The following PHF8 variants were observed in gnomAD, a reference collection of about 807,000 sequenced individuals.
The protein encoded by PHF8 is histone lysine demethylase PHF8.
In PHF8, 9 loss-of-function variants were observed where a neutral mutation model predicts 74.4. The observed-to-expected ratio is 0.12, with a 90% CI of 0.07 to 0.21. The LOEUF is 0.21. Ranked by LOEUF, PHF8 falls within the 10% of genes least tolerant of loss-of-function variation. The pLI, the probability that PHF8 is intolerant of heterozygous loss-of-function variation, is 1.00. For missense variants in PHF8, 478 were observed against 816.6 expected, an observed-to-expected ratio of 0.59 and a Z score of 5.05; for synonymous variants, 311 against 316.6, an observed-to-expected ratio of 0.98 and a Z score of 0.19.
intron 18 of PHF8, among the ~76,000 whole-genome samples, chrX:53,966,278 C>CT (rs1320855816): frequency 1.8e-5 from 2 of 111,707 alleles, no homozygotes; most frequent in African/African-American, 6.5e-5. Context: ...CCCTCTGATG[C>CT]CGAGCTGAAG....
chrX:54,035,537 T>C lies in PHF8; in HGVS notation c.98+7094A>G, dbSNP rs782461713. ...TAGTTCATGCCTGTAATCCCAGCACTTTGGGAGGCTGAGGTGGGAGGATCA... is the reference window on the plus strand; with the variant it reads ...TAGTTCATGCCTGTAATCCCAGCACCTTGGGAGGCTGAGGTGGGAGGATCA... On this transcript the variant is annotated intron_variant, in intron 2 of 21. Coordinates refer to ENST00000338154, the MANE Select transcript of PHF8 (RefSeq NM_015107.3). Among the ~76,000 whole-genome samples the C allele has an allele frequency of 4.5e-5, 5 of 110,194 alleles. No homozygotes were observed. In the East Asian group the frequency reaches 1.4e-3, roughly 32 times the overall value.
intron 19 of PHF8, among the ~76,000 whole-genome samples, chrX:53,949,579 A>G (rs1216307466): frequency 5.5e-5 from 6 of 109,763 alleles, no homozygotes; most frequent in East Asian, 2.9e-4. Flanking sequence ...TTGGGAGGCC[A>G]AGGTGGGTGG....
chrX:53,954,556 G>A (rs1315808524), intron 19 of PHF8, among the ~76,000 whole-genome samples: 1 of 94,477 alleles, frequency 1.1e-5, no homozygotes. Context: ...AACTAGAGAT[G>A]TCGTAACACG....
intron 6 of PHF8, 45 bp downstream of exon 6, chrX:54,016,550 T>C: frequency 8.9e-7 from 1 of 1,126,964 alleles, no homozygotes; most frequent in Non-Finnish European, 1.2e-6. Flanking sequence ...TCACACAAGT[T>C]TCAGGCACTT....
chrX:53,996,559 C>G (rs186665434), intron 11 of PHF8, among the ~76,000 whole-genome samples: 1 of 110,129 alleles, frequency 9.1e-6, no homozygotes, highest in Non-Finnish European at 1.9e-5. Context: ...TTACTATTTT[C>G]TTGAGACAGA....
rs1160936317 is a variant in PHF8 at position 54,036,571 on chromosome X, CAAAAAAAAAA to C, written c.98+6050_98+6059del. ...TGGGCAACAGACTGAGACACTGTCT[CAAAAAAAAAA>C]AAAAAAAAAAAAAAAAAAACTTTTT... On this transcript the variant is annotated intron_variant, in intron 2 of 21. Coordinates refer to ENST00000338154, the MANE Select transcript of PHF8 (RefSeq NM_015107.3). Among the ~76,000 whole-genome samples, 52 of 6,192 alleles carry C rather than the reference CAAAAAAAAAA, an allele frequency of 8.4e-3. 1 individual carries two copies. Among genetic ancestry groups the C allele is most frequent in the African/African-American group, 0.021 (51 of 2,395 alleles). The allele number at this position is 6,192 out of a possible 115,157, so 5.4% of individuals were successfully genotyped here.
chrX:53,986,453 T>C (rs1352121480), intron 16 of PHF8, among the ~76,000 whole-genome samples: 3 of 112,478 alleles, frequency 2.7e-5, no homozygotes, highest in Non-Finnish European at 5.6e-5. Context: ...CAGGATGGTC[T>C]TGATCTCTTG....
At chrX:53,992,112 TA>T in intron 14 of PHF8, among the ~76,000 whole-genome samples, 1 of 112,512 alleles carries the variant, frequency 8.9e-6, no homozygotes, top group East Asian at 2.8e-4. Context: ...CATGCCCTTT[TA>T]AAAGTAAAAA....
chrX:53,993,053 C>G (rs2065692112), intron 13 of PHF8: 1 of 414,553 alleles, frequency 2.4e-6, no homozygotes, highest in Non-Finnish European at 4.2e-6. Context: ...TCTTGTGAAC[C>G]ATGTTCCCTT....
At chrX:54,003,611 C>T (rs138538037) in intron 8 of PHF8, among the ~76,000 whole-genome samples, 9,558 of 111,578 alleles carry the variant, frequency 0.086, 661 homozygotes, top group African/African-American at 0.23. Flanking sequence ...GAGCCGAGAT[C>T]GCACCATTGC....
upstream of PHF8, chrX:54,045,215 T>TGAGGGGAGGG (rs2066623814): frequency 4.4e-6 from 1 of 224,755 alleles, no homozygotes; most frequent in African/African-American, 2.9e-5. Context: ...GACTATAGCC[T>TGAGGGGAGGG]GAGGGGAGGG....
Position 53,996,502 on chromosome X carries a change from C to T in PHF8, c.1234-720G>A, listed in dbSNP as rs372777398. 9.1e-5 allele frequency among the ~76,000 whole-genome samples: 10 copies of T among 109,553 alleles called. No individual in the cohort carries two copies. The East Asian group carries it at 1.7e-3, about 19-fold the overall frequency. ...AGACAATTCTTCTTCCAAGGTGGCCCAGGGAAGCCAAAAGGTTGGAAACCC... is the reference window on the plus strand; with the variant it reads ...AGACAATTCTTCTTCCAAGGTGGCCTAGGGAAGCCAAAAGGTTGGAAACCC... On this transcript the variant is annotated intron_variant, in intron 11 of 21. Coordinates refer to ENST00000338154, the MANE Select transcript of PHF8 (RefSeq NM_015107.3).
In PHF8 at chrX:53,939,031, T is replaced by C; in HGVS notation, c.*127A>G. The C allele has an allele frequency of 9.2e-7, 1 of 1,090,812 alleles. No homozygotes were observed. Among genetic ancestry groups the C allele is most frequent in the Non-Finnish European group, 1.2e-6 (1 of 835,518 alleles). The allele number at this position is 1,090,812 out of a possible 1,213,427, so 89.9% of individuals were successfully genotyped here. A position where few individuals can be genotyped will look rare whatever the true frequency, so the allele number is the denominator to read the frequency against. On this transcript the variant is annotated 3_prime_UTR_variant, in exon 22 of 22. Transcript: ENST00000338154. ...TGGAGGGGTCCGTGCCTTTGGTAAG[T>C]CCCAAGAAAGCAGGACAATGCACCT...
Position 53,995,782 on chromosome X carries a change from C to T in PHF8, c.1234G>A (p.Ala412Thr), listed in dbSNP as rs1557102680. ...ATCTCATCCTCATGGTCTGGCAGAG[C>T]CTGTCAAACAAGAGGCATGAGGAAT... ...LAFRAWTRKE[A>T]LPDHEDEIPE... The change falls in exon 12 of 22, where the codon GCT becomes ACT. Residue 412 changes from alanine to threonine, a missense_variant and splice_region_variant. Transcript: ENST00000338154. 6 of 1,162,911 alleles carry T rather than the reference C, an allele frequency of 5.2e-6. 1 individual carries two copies. In the Admixed American group the frequency reaches 1.3e-4, roughly 25 times the overall value.
chrX:54,029,064 T>C (rs782787209), intron 2 of PHF8, among the ~76,000 whole-genome samples: 30 of 112,301 alleles, frequency 2.7e-4, no homozygotes, highest in African/African-American at 8.7e-4. Flanking sequence ...GTGCTGTGTA[T>C]GTTTGTTGTT....
intron 2 of PHF8, among the ~76,000 whole-genome samples, chrX:54,023,841 CAAAAAAAAAAAA>C (rs782579990): frequency 3.8e-4 from 15 of 39,195 alleles, no homozygotes; most frequent in South Asian, 1.3e-3. Flanking sequence ...ACCCTGTCTC[CAAAAAAAAAAAA>C]AAAAAAAAAA....
chrX:54,032,401 T>C (rs2066375452), intron 2 of PHF8, among the ~76,000 whole-genome samples: 2 of 111,034 alleles, frequency 1.8e-5, no homozygotes, highest in South Asian at 7.7e-4. Context: ...TCACTCACTC[T>C]GTTCCAATAG....
At chrX:53,991,394 G>A (rs2065657304) in intron 14 of PHF8, among the ~76,000 whole-genome samples, 1 of 111,453 alleles carries the variant, frequency 9.0e-6, no homozygotes, top group African/African-American at 3.3e-5. Flanking sequence ...GGGCATGTTG[G>A]CTCATGCCTG....
chrX:53,975,507 T>C (rs1413877792), intron 18 of PHF8, among the ~76,000 whole-genome samples: 1 of 111,961 alleles, frequency 8.9e-6, no homozygotes, highest in Non-Finnish European at 1.9e-5. Context: ...AATTAAGAAA[T>C]GTGGTATATA....
Sources: allele counts gnomAD v4.1 joint callset (sites outside exome capture counted in the v4.1 genomes callset), GRCh38; gene constraint gnomAD v4.1.1; transcripts MANE v1.5; gene names NCBI Gene and HGNC (gene_info 2026-07-23, HGNC 2026-07-21).